WWC2: variants seen among roughly 807,000 people sequenced by gnomAD.
WWC2 encodes the protein protein WWC2.
In WWC2, 101 loss-of-function variants were observed where a neutral mutation model predicts 138.5. The observed-to-expected ratio is 0.73, with a 90% CI of 0.62 to 0.86. The LOEUF is 0.86. Ranked by LOEUF, WWC2 falls within the 40% of genes least tolerant of loss-of-function variation. The pLI, the probability that WWC2 is intolerant of heterozygous loss-of-function variation, is 0.00. For synonymous variants in WWC2, 558 were observed against 538.4 expected, an observed-to-expected ratio of 1.04 and a Z score of -0.50; for missense variants, 1,420 against 1,419.4, an observed-to-expected ratio of 1.00 and a Z score of -0.01.
Position 183,261,382 on chromosome 4 carries a change from G to A in WWC2, c.1759G>A (p.Asp587Asn). ...SLHQFTADFE[D>N]CELSSHFADI... ...CCATCAGTTCACTGCTGACTTTGAA[G>A]ACTGTGAGTTGAGTAGCCATTTTGC... The change falls in exon 11 of 23, where the codon GAC (aspartate) becomes AAC (asparagine). Residue 587 changes from aspartate to asparagine, a missense_variant. Transcript: ENST00000403733. 6.2e-7 allele frequency: 1 copy of A among 1,613,226 alleles called. No individual in the cohort carries two copies. The highest frequency in any genetic ancestry group is 8.5e-7 in the Non-Finnish European group (1 of 1,179,612).
chr4:183,138,423 A>G lies in WWC2; in HGVS notation c.131+38801A>G, dbSNP rs190583816. On this transcript the variant is annotated intron_variant, in intron 1 of 22. Transcript: ENST00000403733. ...TCATGCTTAGCTCAGGGGTTTGGAC[A>G]TTGTGGTCTGCAGACCAAGTCTGGC... Among the ~76,000 whole-genome samples the G allele has an allele frequency of 1.1e-4, 17 of 152,320 alleles. No individual in the cohort carries two copies. The East Asian group carries it at 3.3e-3, about 29-fold the overall frequency.
At chr4:183,121,463 G>T (rs1475626870) in intron 1 of WWC2, among the ~76,000 whole-genome samples, 1 of 151,938 alleles carries the variant, frequency 6.6e-6, no homozygotes, top group Admixed American at 6.6e-5. Context: ...TGTTATGTCG[G>T]CATTCAGAAG....
intron 1 of WWC2, among the ~76,000 whole-genome samples, chr4:183,181,551 C>A (rs1734633634): frequency 6.6e-6 from 1 of 152,090 alleles, no homozygotes; most frequent in African/African-American, 2.4e-5. Flanking sequence ...AAATGTATTT[C>A]TTTTTCTTTA....
intron 1 of WWC2, among the ~76,000 whole-genome samples, chr4:183,118,635 T>C (rs981561704): frequency 2.0e-5 from 3 of 152,252 alleles, no homozygotes; most frequent in Non-Finnish European, 4.4e-5. Context: ...AAAGTCATCA[T>C]TTAGCATTGT....
intron 1 of WWC2, among the ~76,000 whole-genome samples, chr4:183,111,846 C>G (rs1351811040): frequency 6.6e-6 from 1 of 151,940 alleles, no homozygotes; most frequent in Non-Finnish European, 1.5e-5. Context: ...AGGGGTGCGG[C>G]ACAACACCTG....
rs1247334224 is a variant in WWC2 at position 183,248,901 on chromosome 4, T to C, written c.879+41T>C. Reference sequence around the variant, plus strand: ...TGAAGAGTTGGCCCAGTGTTGTCCTTGATGGGCCTTAATTGCAATATGGAT... The same window carrying C: ...TGAAGAGTTGGCCCAGTGTTGTCCTCGATGGGCCTTAATTGCAATATGGAT... On this transcript the variant is annotated intron_variant, in intron 7 of 22. Coordinates refer to ENST00000403733, the MANE Select transcript of WWC2 (RefSeq NM_024949.6). The C allele has an allele frequency of 2.7e-6, 4 of 1,490,066 alleles. No homozygotes were observed. In the South Asian group the frequency reaches 4.0e-5, roughly 15 times the overall value. 92.3% of individuals were successfully genotyped at this position (1,490,066 alleles called of 1,614,324 possible). A position where few individuals can be genotyped will look rare whatever the true frequency, so the allele number is the denominator to read the frequency against.
intron 1 of WWC2, among the ~76,000 whole-genome samples, chr4:183,193,378 T>G (rs774427718): frequency 1.5e-4 from 23 of 152,210 alleles, no homozygotes; most frequent in Non-Finnish European, 2.8e-4. Flanking sequence ...TTTATTTATT[T>G]AGTGTATAGA....
rs35089821 is a variant in WWC2, at chr4:183,297,410, CT to C, written c.3384+7791del. 8.2e-3 allele frequency among the ~76,000 whole-genome samples: 1,156 copies of C among 140,642 alleles called. 7 individuals carry two copies. Among genetic ancestry groups the C allele is most frequent in the African/African-American group, 0.02 (777 of 38,630 alleles). 92.3% of individuals were successfully genotyped at this position (140,642 alleles called of 152,430 possible). A position where few individuals can be genotyped will look rare whatever the true frequency, so the allele number is the denominator to read the frequency against. On this transcript the variant is annotated intron_variant, in intron 21 of 22. Coordinates refer to ENST00000403733, the MANE Select transcript of WWC2 (RefSeq NM_024949.6). The stretch of plus-strand genomic sequence containing the variant: ...ATTGTGGTAGAGCCTGAGATAAACA[CT>C]TTTTTTTTTTTTTTTGACATGGAGC...
At chr4:183,122,066 T>G (rs1732619648) in intron 1 of WWC2, among the ~76,000 whole-genome samples, 1 of 152,052 alleles carries the variant, frequency 6.6e-6, no homozygotes, top group Non-Finnish European at 1.5e-5. Flanking sequence ...ATTACAGGCG[T>G]GAGCCACCAC....
At chr4:183,217,575 G>GA (rs1423487487) in intron 4 of WWC2, among the ~76,000 whole-genome samples, 3 of 150,920 alleles carry the variant, frequency 2.0e-5, no homozygotes, top group African/African-American at 7.3e-5. Flanking sequence ...AAAATGGGGA[G>GA]AAAAAATATA....
intron 4 of WWC2, among the ~76,000 whole-genome samples, chr4:183,213,840 A>G (rs1735675257): frequency 6.6e-6 from 1 of 152,134 alleles, no homozygotes; most frequent in Admixed American, 6.6e-5. Flanking sequence ...TTTATTATTT[A>G]TTTAGAATAG....
intron 5 of WWC2, among the ~76,000 whole-genome samples, chr4:183,241,134 A>G (rs1319276901): frequency 6.6e-6 from 1 of 152,178 alleles, no homozygotes; most frequent in Non-Finnish European, 1.5e-5. Context: ...AGTGCGGTGC[A>G]GTATTTTTAG....
At chr4:183,111,054 A>T (rs1380697008) in intron 1 of WWC2, among the ~76,000 whole-genome samples, 1 of 152,056 alleles carries the variant, frequency 6.6e-6, no homozygotes, top group Admixed American at 6.5e-5. Context: ...CCTGGCTAAC[A>T]TGGTGAAACC....
intron 21 of WWC2, among the ~76,000 whole-genome samples, chr4:183,310,076 G>A (rs955556444): frequency 6.6e-6 from 1 of 152,208 alleles, no homozygotes; most frequent in Non-Finnish European, 1.5e-5. Flanking sequence ...AATAGGCAGA[G>A]CACAGGGGAA....
At chr4:183,286,543 T>C (rs1413814614) in intron 20 of WWC2, among the ~76,000 whole-genome samples, 1 of 152,148 alleles carries the variant, frequency 6.6e-6, no homozygotes, top group Non-Finnish European at 1.5e-5. Flanking sequence ...TCGGGTGGCA[T>C]TTTCCTGGAG....
chr4:183,294,183 T>G (rs1050077861), intron 21 of WWC2, among the ~76,000 whole-genome samples: 2 of 152,170 alleles, frequency 1.3e-5, no homozygotes, highest in African/African-American at 4.8e-5. Flanking sequence ...GGCCATAGTT[T>G]GCCAACTGCT....
rs920936912 is a variant in WWC2 at position 183,118,692 on chromosome 4, G to T, written c.131+19070G>T. 3.3e-5 allele frequency among the ~76,000 whole-genome samples: 5 copies of T among 152,250 alleles called. No homozygotes were observed. The South Asian group carries it at 1.0e-3, about 32-fold the overall frequency. ...AATTGTTACTGTGACCATAATTATC[G>T]TGGTGAAGGGAGGAATGCAGTAGAA... On this transcript the variant is annotated intron_variant, in intron 1 of 22. Coordinates refer to ENST00000403733, the MANE Select transcript of WWC2 (RefSeq NM_024949.6).
chr4:183,160,192 G>C (rs1733919925), intron 1 of WWC2, among the ~76,000 whole-genome samples: 1 of 152,176 alleles, frequency 6.6e-6, no homozygotes, highest in Non-Finnish European at 1.5e-5. Context: ...AACTCTATCA[G>C]TAATTGTCAC....
chr4:183,292,619 A>G (rs1272958082), intron 21 of WWC2, among the ~76,000 whole-genome samples: 1 of 152,084 alleles, frequency 6.6e-6, no homozygotes, highest in African/African-American at 2.4e-5. Context: ...AAAAAAAAAA[A>G]TGGAAGCAGT....
Sources: allele counts gnomAD v4.1 joint callset (sites outside exome capture counted in the v4.1 genomes callset), GRCh38; gene constraint gnomAD v4.1.1; transcripts MANE v1.5; gene names NCBI Gene and HGNC (gene_info 2026-07-23, HGNC 2026-07-21).